UNC5D: variants seen among roughly 807,000 people sequenced by gnomAD.
UNC5D encodes netrin receptor UNC5D.
UNC5D carries 39 observed loss-of-function variants against 105.4 expected under a neutral mutation model. The observed-to-expected ratio is 0.37, with a 90% CI of 0.29 to 0.48. The LOEUF (loss-of-function observed/expected upper bound fraction) is 0.48, where lower values mean the gene tolerates loss of function less well. UNC5D is among the 20% of genes least tolerant of loss of function. UNC5D has a pLI of 0.98. For synonymous variants in UNC5D, 452 were observed against 450.4 expected (o/e 1.00, Z -0.04); for missense variants, 991 against 1,202.4 (o/e 0.82, Z 2.60).
intron 1 of UNC5D, among the ~76,000 whole-genome samples, chr8:35,422,139 C>A (rs542820801): frequency 6.6e-6 from 1 of 152,328 alleles, no homozygotes; most frequent in South Asian, 2.1e-4. Context: ...CCATCTCACA[C>A]TCTCCGAGCT....
At chr8:35,383,286 A>G (rs1199929746) in intron 1 of UNC5D, among the ~76,000 whole-genome samples, 1 of 152,076 alleles carries the variant, frequency 6.6e-6, no homozygotes, top group Non-Finnish European at 1.5e-5. Flanking sequence ...CATTTCCTCC[A>G]TACCCATCAC....
At chr8:35,610,514 C>T (rs899931438) in intron 4 of UNC5D, among the ~76,000 whole-genome samples, 20 of 151,818 alleles carry the variant, frequency 1.3e-4, no homozygotes, top group East Asian at 3.9e-4. Flanking sequence ...TTTTGGAGGC[C>T]GAGGGGGACA....
At chr8:35,748,265 C>T (rs996078837) in intron 11 of UNC5D, among the ~76,000 whole-genome samples, 4 of 152,112 alleles carry the variant, frequency 2.6e-5, no homozygotes, top group African/African-American at 9.7e-5. Flanking sequence ...CCAATTCTGC[C>T]CTGTATTTCC....
In UNC5D at chr8:35,344,663, C is replaced by T. The variant is rs775517798; in HGVS notation, c.103+108776C>T. Among the ~76,000 whole-genome samples the T allele has an allele frequency of 3.3e-5, 5 of 152,152 alleles. No homozygotes were observed. In the South Asian group the frequency reaches 1.0e-3, roughly 32 times the overall value. ...ACTTCCCCATTTACAATTTCATCTC[C>T]AACTACTACAGTCTCGTAAAGAGGT... On this transcript the variant is annotated intron_variant, in intron 1 of 16. Coordinates refer to ENST00000404895, the MANE Select transcript of UNC5D (RefSeq NM_080872.4).
rs562136659 is a variant in UNC5D at position 35,573,389 on chromosome 8, T to C, written c.466+5148T>C. Among the ~76,000 whole-genome samples the C allele has an allele frequency of 1.6e-3, 249 of 152,080 alleles. 1 individual carries two copies. The highest frequency in any genetic ancestry group is 3.0e-3 in the Non-Finnish European group (204 of 67,978). On this transcript the variant is annotated intron_variant, in intron 3 of 16. Coordinates refer to ENST00000404895, the MANE Select transcript of UNC5D (RefSeq NM_080872.4). Reference sequence around the variant, plus strand: ...GCCTAGGAGTTTTGGGGCTGTTGTCTGCTATGATCGCGCCTGTGAATAGCC... The same window carrying C: ...GCCTAGGAGTTTTGGGGCTGTTGTCCGCTATGATCGCGCCTGTGAATAGCC...
At chr8:35,275,809 G>A (rs1805736476) in intron 1 of UNC5D, among the ~76,000 whole-genome samples, 1 of 152,162 alleles carries the variant, frequency 6.6e-6, no homozygotes, top group Admixed American at 6.5e-5. Context: ...TTTTGTTTGT[G>A]TGCCTTAACT....
chr8:35,321,130 A>C (rs1355183164), intron 1 of UNC5D, among the ~76,000 whole-genome samples: 1 of 152,148 alleles, frequency 6.6e-6, no homozygotes, highest in Non-Finnish European at 1.5e-5. Flanking sequence ...ATAGGACTTT[A>C]TAACCCTTGG....
Position 35,587,618 on chromosome 8 carries a change from C to A in UNC5D, c.467-7936C>A, listed in dbSNP as rs553130145. On this transcript the variant is annotated intron_variant, in intron 3 of 16. Transcript: ENST00000404895. ...AAAATAAAATTAGAGAAGGGTATTT[C>A]AGAATTTGCAATTCTGAAAAGTTTG... is the stretch of plus-strand genomic sequence containing the variant. Among the ~76,000 whole-genome samples the A allele has an allele frequency of 1.4e-4, 22 of 152,196 alleles. 1 individual carries two copies. In the East Asian group the frequency reaches 3.9e-3, roughly 27 times the overall value.
At chr8:35,341,333 T>C (rs952160814) in intron 1 of UNC5D, among the ~76,000 whole-genome samples, 1 of 152,134 alleles carries the variant, frequency 6.6e-6, no homozygotes, top group Admixed American at 6.6e-5. Context: ...TCAAGTTCCA[T>C]GTAACATGGA....
At chr8:35,591,608 T>C (rs969899575) in intron 3 of UNC5D, among the ~76,000 whole-genome samples, 1 of 152,180 alleles carries the variant, frequency 6.6e-6, no homozygotes, top group Non-Finnish European at 1.5e-5. Context: ...TGTAATGTAT[T>C]CCTCTTTCTC....
chr8:35,325,581 G>A (rs1810085415), intron 1 of UNC5D, among the ~76,000 whole-genome samples: 1 of 152,150 alleles, frequency 6.6e-6, no homozygotes, highest in Non-Finnish European at 1.5e-5. Flanking sequence ...AGTAGCAAAG[G>A]AATTGATAGT....
At chr8:35,264,591 G>T (rs760336580) in intron 1 of UNC5D, among the ~76,000 whole-genome samples, 1 of 152,068 alleles carries the variant, frequency 6.6e-6, no homozygotes, top group Non-Finnish European at 1.5e-5. Context: ...ATAGCCAGGT[G>T]TGGTGGCAGG....
rs1306121985 is a variant in UNC5D at position 35,437,773 on chromosome 8, C to G, written c.104-111519C>G. Among the ~76,000 whole-genome samples the G allele has an allele frequency of 2.6e-5, 4 of 151,806 alleles. No individual in the cohort carries two copies. In the East Asian group the frequency reaches 7.7e-4, roughly 29 times the overall value. On this transcript the variant is annotated intron_variant, in intron 1 of 16. Coordinates refer to ENST00000404895, the MANE Select transcript of UNC5D (RefSeq NM_080872.4). ...GATCTTTGTCATTGGATTACAGTGT[C>G]CCTTTTGTGAGTACCTTTTCTGCGA...
intron 1 of UNC5D, 97 bp downstream of exon 1, chr8:35,235,984 GC>G: frequency 9.2e-7 from 1 of 1,087,612 alleles, no homozygotes; most frequent in Non-Finnish European, 1.2e-6. Flanking sequence ...TTCCCAACTT[GC>G]GCCCTGCACC....
intron 1 of UNC5D, among the ~76,000 whole-genome samples, chr8:35,247,370 C>A (rs1347806669): frequency 6.8e-6 from 1 of 147,972 alleles, no homozygotes; most frequent in East Asian, 2.0e-4. Context: ...AAAAGGTTTG[C>A]ATTATAGATT....
intron 3 of UNC5D, among the ~76,000 whole-genome samples, chr8:35,572,057 C>A (rs1817761754): frequency 6.6e-6 from 1 of 152,022 alleles, no homozygotes; most frequent in Non-Finnish European, 1.5e-5. Flanking sequence ...AAGGCCGAGG[C>A]AGGTGGAATG....
At chr8:35,580,380 C>T (rs1042223202) in intron 3 of UNC5D, among the ~76,000 whole-genome samples, 3 of 151,978 alleles carry the variant, frequency 2.0e-5, no homozygotes, top group African/African-American at 7.2e-5. Context: ...GAACTAGCTA[C>T]ATTTTTTTCT....
intron 11 of UNC5D, among the ~76,000 whole-genome samples, chr8:35,736,162 C>T (rs1829458263): frequency 6.6e-6 from 1 of 152,056 alleles, no homozygotes; most frequent in African/African-American, 2.4e-5. Flanking sequence ...AGTTTGAGAC[C>T]AGCCTGGGCA....
rs973961116 is a variant in UNC5D, at chr8:35,627,598, A to G, written c.570+31941A>G. ...AATATTCATCATTATAAGAAATTCC[A>G]TGAGCCATTCCCCAGTTGACAGTAC... On this transcript the variant is annotated intron_variant, in intron 4 of 16. Coordinates refer to ENST00000404895, the MANE Select transcript of UNC5D (RefSeq NM_080872.4). 4.6e-5 allele frequency among the ~76,000 whole-genome samples: 7 copies of G among 152,170 alleles called. No individual in the cohort carries two copies. The East Asian group carries it at 5.8e-4, about 13-fold the overall frequency.
Sources: gnomAD v4.1 joint callset for allele counts (sites outside exome capture counted in the v4.1 genomes callset) on GRCh38, gnomAD v4.1.1 for gene constraint, MANE v1.5 for transcripts, NCBI Gene and HGNC (gene_info 2026-07-23, HGNC 2026-07-21) for gene names.